Variants in KCNQ3 observed in about 807,000 individuals in gnomAD.
The protein encoded by KCNQ3 is potassium voltage-gated channel subfamily Q member 3.
KCNQ3 carries 30 observed loss-of-function variants against 92.5 expected under a neutral mutation model. That is an observed-to-expected ratio of 0.32 (90% CI 0.24 to 0.44). The LOEUF (loss-of-function observed/expected upper bound fraction) is 0.44. Ranked by LOEUF, KCNQ3 falls within the 20% of genes least tolerant of loss-of-function variation. The pLI, the probability that KCNQ3 is intolerant of heterozygous loss-of-function variation, is 1.00. For missense variants in KCNQ3, 913 were observed against 1,140.3 expected, an observed-to-expected ratio of 0.80 and a Z score of 2.87; for synonymous variants, 450 against 468.8, an observed-to-expected ratio of 0.96 and a Z score of 0.52.
At chr8:132,226,160 A>T (rs917480209) in intron 1 of KCNQ3, among the ~76,000 whole-genome samples, 1 of 152,094 alleles carries the variant, frequency 6.6e-6, no homozygotes, top group Non-Finnish European at 1.5e-5. Flanking sequence ...AGTCTCAGCT[A>T]CTTGAGAGGC....
intron 1 of KCNQ3, among the ~76,000 whole-genome samples, chr8:132,433,888 T>C (rs539134002): frequency 7.4e-5 from 11 of 148,018 alleles, no homozygotes; most frequent in African/African-American, 2.8e-4. Context: ...AGACTCCATC[T>C]CAAAACTAAG....
At chr8:132,445,714 A>G (rs117246510) in intron 1 of KCNQ3, among the ~76,000 whole-genome samples, 4,756 of 134,384 alleles carry the variant, frequency 0.035, 114 homozygotes, top group Middle Eastern at 0.086. Flanking sequence ...AATATCATTT[A>G]CTGAGCTCTT....
intron 1 of KCNQ3, among the ~76,000 whole-genome samples, chr8:132,337,226 G>A (rs536387156): frequency 9.2e-5 from 14 of 152,348 alleles, no homozygotes; most frequent in African/African-American, 2.9e-4. Context: ...GCTCATGCCT[G>A]TAATCCCAGC....
intron 1 of KCNQ3, among the ~76,000 whole-genome samples, chr8:132,366,694 A>C (rs540752969): frequency 1.3e-5 from 2 of 152,274 alleles, no homozygotes; most frequent in South Asian, 4.1e-4. Flanking sequence ...AATTTTGCCA[A>C]ATGCCTTTTC....
intron 9 of KCNQ3, among the ~76,000 whole-genome samples, chr8:132,154,159 C>T (rs1304041459): frequency 7.2e-6 from 1 of 139,336 alleles, no homozygotes; most frequent in Admixed American, 7.7e-5. Context: ...CGGAAGGGAA[C>T]CCAGAAGCCT....
intron 9 of KCNQ3, among the ~76,000 whole-genome samples, chr8:132,153,743 C>T (rs900881971): frequency 1.3e-5 from 2 of 152,100 alleles, no homozygotes; most frequent in Non-Finnish European, 2.9e-5. Flanking sequence ...AGCCCCCCCC[C>T]CATTAACATG....
At chr8:132,425,744 G>A (rs1821092785) in intron 1 of KCNQ3, among the ~76,000 whole-genome samples, 1 of 152,164 alleles carries the variant, frequency 6.6e-6, no homozygotes. Flanking sequence ...ATATGAATCT[G>A]CCAAGGTATC....
intron 1 of KCNQ3, among the ~76,000 whole-genome samples, chr8:132,367,619 C>A (rs1172710710): frequency 2.0e-5 from 3 of 152,220 alleles, no homozygotes; most frequent in African/African-American, 4.8e-5. Context: ...CTAGTGCCTG[C>A]CACCAAAATC....
At chr8:132,314,418 T>C (rs1367078214) in intron 1 of KCNQ3, among the ~76,000 whole-genome samples, 1 of 152,184 alleles carries the variant, frequency 6.6e-6, no homozygotes, top group Non-Finnish European at 1.5e-5. Flanking sequence ...TTAGGCTTCA[T>C]ATAATTCCTA....
chr8:132,318,581 T>C (rs1482752727), intron 1 of KCNQ3, among the ~76,000 whole-genome samples: 1 of 152,230 alleles, frequency 6.6e-6, no homozygotes, highest in African/African-American at 2.4e-5. Flanking sequence ...TTCTTGTGTG[T>C]AGTCCTTGCT....
At chr8:132,237,205 A>G (rs996883339) in intron 1 of KCNQ3, among the ~76,000 whole-genome samples, 1 of 152,174 alleles carries the variant, frequency 6.6e-6, no homozygotes, top group Non-Finnish European at 1.5e-5. Flanking sequence ...ATAACCTTAC[A>G]AAGTAAATTC....
intron 1 of KCNQ3, among the ~76,000 whole-genome samples, chr8:132,304,430 A>G (rs1370598659): frequency 6.6e-6 from 1 of 152,200 alleles, no homozygotes; most frequent in Non-Finnish European, 1.5e-5. Context: ...ATTGGTGTCC[A>G]TGGTCATCTT....
intron 1 of KCNQ3, among the ~76,000 whole-genome samples, chr8:132,364,682 CGGACGGACGGACGGAT>C (rs1312891362): frequency 8.8e-6 from 1 of 113,634 alleles, no homozygotes; most frequent in African/African-American, 3.8e-5. Context: ...GACGGACGGA[CGGACGGACGGACGGAT>C]GGATGGATGG....
At chr8:132,447,069 C>G (rs907032575) in intron 1 of KCNQ3, 4 of 754,740 alleles carry the variant, frequency 5.3e-6, no homozygotes, top group Non-Finnish European at 8.8e-6. Context: ...TCTGGGAACC[C>G]AGGGTGAGTC....
chr8:132,344,283 T>C (rs1049856065), intron 1 of KCNQ3, among the ~76,000 whole-genome samples: 1 of 152,220 alleles, frequency 6.6e-6, no homozygotes, highest in Non-Finnish European at 1.5e-5. Flanking sequence ...ATTTAACATC[T>C]TTCCCAGTGA....
At position 132,194,145 on chromosome 8, in the gene KCNQ3, C is replaced by A. The variant is rs149459344; in HGVS notation, c.387-7964G>T. On this transcript the variant is annotated intron_variant, in intron 1 of 14. Transcript: ENST00000388996. ...CTTTCTTAGAATCCTTGTCTGTCTG[C>A]CATTGAATAGCGATGCATAGAAACA... 5.9e-5 allele frequency among the ~76,000 whole-genome samples: 9 copies of A among 152,266 alleles called. No homozygotes were observed. The East Asian group carries it at 1.7e-3, about 29-fold the overall frequency.
intron 1 of KCNQ3, among the ~76,000 whole-genome samples, chr8:132,215,462 T>C (rs1352366027): frequency 6.6e-6 from 1 of 152,212 alleles, no homozygotes; most frequent in Non-Finnish European, 1.5e-5. Context: ...TGTTTTCTTC[T>C]CTCCATAAAG....
chr8:132,163,130 C>T (rs546240040), intron 9 of KCNQ3, among the ~76,000 whole-genome samples: 1 of 152,076 alleles, frequency 6.6e-6, no homozygotes, highest in Non-Finnish European at 1.5e-5. Context: ...CAATCTCAAC[C>T]CAACCTCTCT....
chr8:132,372,145 G>A (rs535974916), intron 1 of KCNQ3, among the ~76,000 whole-genome samples: 2 of 152,134 alleles, frequency 1.3e-5, no homozygotes, highest in East Asian at 1.9e-4. Flanking sequence ...GGGAACATCC[G>A]CAGCCCTTTA....
Sources: gnomAD v4.1 joint callset for allele counts (sites outside exome capture counted in the v4.1 genomes callset) on GRCh38, gnomAD v4.1.1 for gene constraint, MANE v1.5 for transcripts, NCBI Gene and HGNC (gene_info 2026-07-23, HGNC 2026-07-21) for gene names.